Variants in PAXBP1 observed in about 807,000 individuals in gnomAD.
The protein encoded by PAXBP1 is PAX3 and PAX7 binding protein 1.
Under a neutral mutation model 119.9 loss-of-function variants are expected in PAXBP1, and 44 were observed. That is an observed-to-expected ratio of 0.37 (90% confidence interval 0.29 to 0.47). The LOEUF is 0.47. Ranked by LOEUF, PAXBP1 falls within the 20% of genes least tolerant of loss-of-function variation. The pLI is 0.99. For missense variants in PAXBP1, 898 were observed against 1,134.1 expected (o/e 0.79, Z 2.99); for synonymous variants, 393 against 406.6 (o/e 0.97, Z 0.40).
chr21:32,759,087 C>G lies in PAXBP1; in HGVS notation c.1376G>C (p.Ser459Thr), dbSNP rs773125411. ...GYVQDLLECF[S>T]EKVPLINELE... ...GTATTTTTGCATTCTTACCTTTTCA[C>G]TGAAACACTCAAGCAAGTCTTGGAC... The change falls in exon 7 of 18, where the codon AGT (serine) becomes ACT (threonine). Residue 459 changes from serine (S) to threonine (T), a missense_variant. Ser to Thr is a moderately conservative substitution (Grantham distance 58). Transcript: ENST00000331923. The G allele has an allele frequency of 1.9e-6, 3 of 1,613,452 alleles. No homozygotes were observed. The highest frequency in any genetic ancestry group is 2.5e-6 in the Non-Finnish European group (3 of 1,179,632).
Position 32,752,745 on chromosome 21 carries a change from T to A in PAXBP1, c.1508-1527A>T, listed in dbSNP as rs1286813038. 2.6e-5 allele frequency among the ~76,000 whole-genome samples: 4 copies of A among 152,156 alleles called. No homozygotes were observed. The East Asian group carries it at 7.7e-4, about 29-fold the overall frequency. On this transcript the variant is annotated intron_variant, in intron 8 of 17. Transcript: ENST00000331923. The stretch of plus-strand genomic sequence containing the variant: ...ACCTCCGCCGCCCAGGTTCAAGCGA[T>A]TCTCCCGCCTCAGCCTCCTCCTGAG...
At chr21:32,747,947 AT>A (rs757138549) in intron 11 of PAXBP1, among the ~76,000 whole-genome samples, 1,845 of 140,140 alleles carry the variant, frequency 0.013, 17 homozygotes, top group African/African-American at 0.032. Flanking sequence ...ACCACAGCTA[AT>A]TTTTTTTTTT....
intron 3 of PAXBP1, among the ~76,000 whole-genome samples, chr21:32,763,244 AAC>A (rs927777264): frequency 2.6e-5 from 4 of 152,202 alleles, no homozygotes; most frequent in African/African-American, 7.2e-5. Context: ...CCTAATTGTT[AAC>A]AGTTACATAA....
chr21:32,744,971 T>C, intron 12 of PAXBP1, 58 bp from the exon 13 acceptor site: 4 of 1,548,336 alleles, frequency 2.6e-6, no homozygotes, highest in Non-Finnish European at 3.5e-6. Context: ...TAATTTTTTG[T>C]CAAGCAGACC....
chr21:32,757,895 C>T (rs1222662720), intron 7 of PAXBP1, among the ~76,000 whole-genome samples: 1 of 152,200 alleles, frequency 6.6e-6, no homozygotes, highest in Non-Finnish European at 1.5e-5. Flanking sequence ...GCTCCCGGCA[C>T]AGAGGAATAC....
intron 7 of PAXBP1, chr21:32,756,567 T>G: frequency 3.2e-6 from 1 of 314,028 alleles, no homozygotes; most frequent in South Asian, 2.5e-5. Context: ...CCTTGATAGC[T>G]GAGTCCAGAG....
Position 32,762,231 on chromosome 21 carries a change from T to C in PAXBP1, c.736A>G (p.Asn246Asp). 1 of 1,614,158 alleles carries C rather than the reference T, an allele frequency of 6.2e-7. No individual in the cohort carries two copies. The highest frequency in any genetic ancestry group is 8.5e-7 in the Non-Finnish European group (1 of 1,180,018). ...ACAAGGCGGCCTTTACCAGGCTCATTATCATGAGGAGTGAAATCTCCCAAT... is the reference window on the plus strand; with the variant it reads ...ACAAGGCGGCCTTTACCAGGCTCATCATCATGAGGAGTGAAATCTCCCAAT... ...RELGDFTPHD[N>D]EPGKGRLVRE... Residue 246 changes from asparagine (N) to aspartate (D), a missense_variant, in exon 4 of 18, where the codon AAT (asparagine) becomes GAT (aspartate). This residue lies in a region of PAXBP1 where 599 missense variants were observed against 852.7 expected (regional missense o/e 0.70). Coordinates refer to ENST00000331923, the MANE Select transcript of PAXBP1 (RefSeq NM_016631.4).
intron 3 of PAXBP1, 91 bp from the exon 4 acceptor site, chr21:32,762,408 C>T (rs2044164987): frequency 6.8e-7 from 1 of 1,471,974 alleles, no homozygotes; most frequent in East Asian, 2.5e-5. Context: ...CCAAGATAGC[C>T]TCATCACAGT....
rs1346408206 is a variant in PAXBP1 at position 32,759,159 on chromosome 21, C to G, written c.1304G>C (p.Gly435Ala). Residue 435 changes from glycine (G) to alanine (A), a missense_variant, in exon 7 of 18, where the codon GGG becomes GCG. Coordinates refer to ENST00000331923, the MANE Select transcript of PAXBP1 (RefSeq NM_016631.4). ...RAIERLEGSS[G>A]GIGERYKFLQ... ...AAATTTATACCGTTCACCAATACCC[C>G]CAGAAGACCCTTCTAATCTTTCAAT... is the stretch of plus-strand genomic sequence containing the variant. 2 of 1,614,056 alleles carry G rather than the reference C, an allele frequency of 1.2e-6. No individual in the cohort carries two copies. Among genetic ancestry groups the G allele is most frequent in the East Asian group, 2.2e-5 (1 of 44,876 alleles).
chr21:32,748,695 C>T lies in PAXBP1; in HGVS notation c.1727G>A (p.Arg576Gln), dbSNP rs753240237. ...DITNFNLEKDRISKESGKVFE... is the reference protein window; with the variant it reads ...DITNFNLEKDQISKESGKVFE... The stretch of plus-strand genomic sequence containing the variant: ...AACTTTGCCGGATTCTTTTGAAATT[C>T]GATCTAAAAACAACAAAACCCCACA... Residue 576 changes from arginine to glutamine, a missense_variant, in exon 11 of 18, where the codon CGA becomes CAA. Coordinates refer to ENST00000331923, the MANE Select transcript of PAXBP1 (RefSeq NM_016631.4). 28 of 1,607,452 alleles carry T rather than the reference C, an allele frequency of 1.7e-5. No homozygotes were observed. The highest frequency in any genetic ancestry group is 2.2e-5 in the East Asian group (1 of 44,776).
At chr21:32,741,848 C>T (rs949854297) in intron 15 of PAXBP1, among the ~76,000 whole-genome samples, 1 of 152,178 alleles carries the variant, frequency 6.6e-6, no homozygotes, top group Non-Finnish European at 1.5e-5. Context: ...AAAAGTTCTT[C>T]TAAGGCTGTT....
intron 13 of PAXBP1, 36 bp downstream of exon 13, chr21:32,744,756 G>C: frequency 8.5e-7 from 1 of 1,183,128 alleles, no homozygotes. Context: ...ACAGAAAGAG[G>C]AAAAAAAAAA....
Position 32,764,374 on chromosome 21 carries a change from A to G in PAXBP1, c.623T>C (p.Leu208Ser). ...TGGACGAAGAACATTCAATGAAGAT[A>G]AAGCATTTGAAAAAGCTCCACCAGT... The part of the protein sequence containing the change: ...PKTGGAFSNA[L>S]SSLNVLRPGE... Residue 208 changes from leucine (L) to serine (S), a missense_variant, in exon 3 of 18, where the codon TTA (leucine) becomes TCA (serine). Leu to Ser is a moderately radical substitution (Grantham distance 145, BLOSUM62 -2). This residue lies in a region of PAXBP1 where 599 missense variants were observed against 852.7 expected (regional missense o/e 0.70). Coordinates refer to ENST00000331923, the MANE Select transcript of PAXBP1 (RefSeq NM_016631.4). 1 of 1,613,872 alleles carries G rather than the reference A, an allele frequency of 6.2e-7. No homozygotes were observed. The highest frequency in any genetic ancestry group is 1.3e-5 in the African/African-American group (1 of 75,050).
chr21:32,741,410 A>G lies in PAXBP1; in HGVS notation c.2334+1838T>C, dbSNP rs144090014. 3.2e-3 allele frequency: 1,651 copies of G among 508,332 alleles called. 3 individuals carry two copies. Among genetic ancestry groups the G allele is most frequent in the Non-Finnish European group, 3.8e-3 (1,062 of 277,372 alleles). The allele number at this position is 508,332 out of a possible 1,614,324, so 31.5% of individuals were successfully genotyped here. On this transcript the variant is annotated intron_variant, in intron 15 of 17. Coordinates refer to ENST00000331923, the MANE Select transcript of PAXBP1 (RefSeq NM_016631.4). ...TAACATGACAGCCTTCAGAATGAAG[A>G]CCCAAAGATGGAGGAGAAATTGTCT... is the stretch of plus-strand genomic sequence containing the variant.
intron 1 of PAXBP1, 128 bp from the exon 2 acceptor site, chr21:32,770,070 T>C: frequency 1.5e-6 from 1 of 654,542 alleles, no homozygotes. Context: ...AATCATTGTA[T>C]AATTATTTCA....
intron 3 of PAXBP1, 88 bp from the exon 4 acceptor site, chr21:32,762,405 A>C: frequency 6.7e-7 from 1 of 1,481,906 alleles, no homozygotes; most frequent in Non-Finnish European, 8.9e-7. Flanking sequence ...AATCCAAGAT[A>C]GCCTCATCAC....
intron 8 of PAXBP1, among the ~76,000 whole-genome samples, chr21:32,754,184 C>A (rs954847644): frequency 2.0e-5 from 3 of 152,180 alleles, no homozygotes; most frequent in Admixed American, 2.0e-4. Flanking sequence ...TCCTATGTCT[C>A]TCTGACTTAG....
At chr21:32,744,296 G>T (rs1274083490) in intron 13 of PAXBP1, among the ~76,000 whole-genome samples, 2 of 151,462 alleles carry the variant, frequency 1.3e-5, no homozygotes, top group South Asian at 2.1e-4. Flanking sequence ...AAAGGAGGGG[G>T]GCGGGGTCTG....
intron 5 of PAXBP1, among the ~76,000 whole-genome samples, 155 bp downstream of exon 5, chr21:32,760,902 CGT>C (rs1175775718): frequency 0.089 from 11,409 of 127,694 alleles, 613 homozygotes; most frequent in Non-Finnish European, 0.13. Context: ...TGCGTGCGTG[CGT>C]GTGTGTGTGT....
Sources: gnomAD v4.1 joint callset for allele counts (sites outside exome capture counted in the v4.1 genomes callset) on GRCh38, gnomAD v4.1.1 for gene constraint, gnomAD v4.1.1 regional missense constraint, MANE v1.5 for transcripts, NCBI Gene and HGNC (gene_info 2026-07-23, HGNC 2026-07-21) for gene names.